Variants in DCUN1D4 observed in about 807,000 individuals in gnomAD.
DCUN1D4 encodes the protein defective in cullin neddylation 1 domain containing 4.
Under a neutral mutation model 47.9 loss-of-function variants are expected in DCUN1D4, and 22 were observed. The observed-to-expected ratio is 0.46, with a 90% CI of 0.33 to 0.66. The LOEUF is 0.66. DCUN1D4 is among the 30% of genes least tolerant of loss of function. The pLI, the probability that DCUN1D4 is intolerant of heterozygous loss-of-function variation, is 0.02. For missense variants in DCUN1D4, 301 were observed against 340.8 expected (o/e 0.88, Z 0.92); for synonymous variants, 121 against 112.2 (o/e 1.08, Z -0.50).
chr4:51,856,460 T>A (rs1724155536), intron 1 of DCUN1D4, among the ~76,000 whole-genome samples: 1 of 152,172 alleles, frequency 6.6e-6, no homozygotes. Flanking sequence ...GTTTTAAAAT[T>A]TTTTTCTTTA....
At chr4:51,884,297 A>G (rs1035213526) in intron 5 of DCUN1D4, 2 of 152,188 alleles carry the variant, frequency 1.3e-5, no homozygotes, top group African/African-American at 4.8e-5. Context: ...TCCTTTGTTA[A>G]GAACAGCCAC....
intron 6 of DCUN1D4, among the ~76,000 whole-genome samples, chr4:51,888,379 C>T (rs909867172): frequency 1.3e-5 from 2 of 152,094 alleles, no homozygotes; most frequent in Non-Finnish European, 2.9e-5. Context: ...GTTTCCTCAC[C>T]CCCAAATACC....
intron 3 of DCUN1D4, among the ~76,000 whole-genome samples, chr4:51,870,410 A>T (rs1011518296): frequency 6.6e-6 from 1 of 152,212 alleles, no homozygotes; most frequent in African/African-American, 2.4e-5. Context: ...CAAGAAACTT[A>T]AAGTTAACTG....
chr4:51,843,796 C>CG (rs1197574484), intron 1 of DCUN1D4: 1,095 of 99,098 alleles, frequency 0.011, 15 homozygotes, highest in Admixed American at 0.019. Context: ...GGCTGGTTGG[C>CG]GGGGGGGTGG....
intron 3 of DCUN1D4, among the ~76,000 whole-genome samples, chr4:51,871,517 C>T (rs1283614950): frequency 2.0e-5 from 3 of 152,128 alleles, no homozygotes; most frequent in Non-Finnish European, 4.4e-5. Flanking sequence ...TGGATTGAGG[C>T]GATAAGTGCA....
At chr4:51,853,859 C>T (rs919291049) in intron 1 of DCUN1D4, among the ~76,000 whole-genome samples, 2 of 152,208 alleles carry the variant, frequency 1.3e-5, no homozygotes, top group African/African-American at 4.8e-5. Flanking sequence ...CTGGGCAGAT[C>T]GTGCAGACCC....
At chr4:51,886,296 G>C (rs1036771473) in intron 5 of DCUN1D4, among the ~76,000 whole-genome samples, 1 of 152,134 alleles carries the variant, frequency 6.6e-6, no homozygotes, top group Non-Finnish European at 1.5e-5. Flanking sequence ...TAAAGAGCAG[G>C]AATTGAATTC....
Position 51,843,224 on chromosome 4 carries a change from G to C in DCUN1D4, c.-19G>C. On this transcript the variant is annotated 5_prime_UTR_variant, in exon 1 of 11. Coordinates refer to ENST00000334635, the MANE Select transcript of DCUN1D4 (RefSeq NM_001040402.3). Reference sequence around the variant, plus strand: ...AGCGCGGGAGCCTGGGCGGCGAGCCGGGTGTGAGCTGCCTGAAAATGCACT... The same window carrying C: ...AGCGCGGGAGCCTGGGCGGCGAGCCCGGTGTGAGCTGCCTGAAAATGCACT... The C allele has an allele frequency of 1.9e-6, 3 of 1,541,056 alleles. No individual in the cohort carries two copies. Among genetic ancestry groups the C allele is most frequent in the African/African-American group, 1.4e-5 (1 of 72,250 alleles).
At chr4:51,861,759 T>G (rs1725080623) in intron 1 of DCUN1D4, among the ~76,000 whole-genome samples, 1 of 152,132 alleles carries the variant, frequency 6.6e-6, no homozygotes, top group Non-Finnish European at 1.5e-5. Context: ...ATCATTTGTC[T>G]TCCTATATTT....
intron 7 of DCUN1D4, among the ~76,000 whole-genome samples, chr4:51,895,415 G>T (rs1243021482): frequency 6.6e-6 from 1 of 151,964 alleles, no homozygotes; most frequent in Non-Finnish European, 1.5e-5. Context: ...CCTGGGGCAG[G>T]ACGTGGGTGG....
At chr4:51,842,877 C>A (rs1451523011), upstream of DCUN1D4, 1 of 312,720 alleles carries the variant, frequency 3.2e-6, no homozygotes, top group Non-Finnish European at 5.6e-6. Flanking sequence ...CAGCTTCGCC[C>A]CTACACGCGC....
intron 5 of DCUN1D4, chr4:51,884,573 A>G (rs148407757): frequency 1.3e-5 from 2 of 152,344 alleles, no homozygotes; most frequent in African/African-American, 4.8e-5. Context: ...TCAGCCATTC[A>G]TTTAGTCCTT....
At chr4:51,870,675 C>T (rs2109956563) in intron 3 of DCUN1D4, among the ~76,000 whole-genome samples, 1 of 152,284 alleles carries the variant, frequency 6.6e-6, no homozygotes, top group African/African-American at 2.4e-5. Flanking sequence ...CAGGACCCCG[C>T]AAAGCAGTAT....
the DCUN1D4 span, among the ~76,000 whole-genome samples, chr4:51,834,298 G>A: frequency 6.6e-6 from 1 of 151,052 alleles, no homozygotes; most frequent in Non-Finnish European, 1.5e-5. Flanking sequence ...ACATGTCTAG[G>A]GTGTCTGAAT....
chr4:51,895,841 A>G (rs562381752), intron 7 of DCUN1D4, among the ~76,000 whole-genome samples: 1 of 152,152 alleles, frequency 6.6e-6, no homozygotes, highest in Non-Finnish European at 1.5e-5. Flanking sequence ...TGTCACTGTG[A>G]CTTCTACACA....
intron 1 of DCUN1D4, among the ~76,000 whole-genome samples, chr4:51,853,386 T>G (rs1723653204): frequency 6.6e-6 from 1 of 152,206 alleles, no homozygotes; most frequent in Non-Finnish European, 1.5e-5. Flanking sequence ...GAGAATGAAG[T>G]TAGTTAACAC....
At chr4:51,886,170 A>G (rs1335716043) in intron 5 of DCUN1D4, among the ~76,000 whole-genome samples, 2 of 152,192 alleles carry the variant, frequency 1.3e-5, no homozygotes, top group Non-Finnish European at 2.9e-5. Context: ...AGAAACATTT[A>G]TGTTTTTTCT....
chr4:51,886,484 C>A, intron 5 of DCUN1D4, 84 bp from the exon 6 acceptor site: 1 of 1,187,434 alleles, frequency 8.4e-7, no homozygotes. Context: ...TTAAGTCTTA[C>A]TTGTTGACAG....
chr4:51,863,640 T>A (rs1382737012), intron 2 of DCUN1D4, 30 bp from the exon 3 acceptor site: 1 of 1,610,482 alleles, frequency 6.2e-7, no homozygotes, highest in Non-Finnish European at 8.5e-7. Context: ...GTATGTGATT[T>A]CTTCGTAATA....
Sources: allele counts gnomAD v4.1 joint callset (sites outside exome capture counted in the v4.1 genomes callset), GRCh38; gene constraint gnomAD v4.1.1; transcripts MANE v1.5; gene names NCBI Gene and HGNC (gene_info 2026-07-23, HGNC 2026-07-21).